Variants in SH2B2 observed in about 807,000 individuals in gnomAD.
SH2B2 encodes SH2B adaptor protein 2, also known as SH2B adapter protein 2.
SH2B2 carries 37 observed loss-of-function variants against 35.7 expected under a neutral mutation model. That is an observed-to-expected ratio of 1.04 (90% CI 0.80 to 1.36). The LOEUF is 1.36. Ranked by LOEUF, SH2B2 falls within the 40% of genes most tolerant of loss-of-function variation. SH2B2 has a pLI of 0.00. For missense variants in SH2B2, 852 were observed against 817.7 expected (o/e 1.04, Z -0.51); for synonymous variants, 383 against 376.4 (o/e 1.02, Z -0.20).
upstream of SH2B2, chr7:102,286,862 A>C (rs1218760551): frequency 0.048 from 9 of 188 alleles, no homozygotes; most frequent in South Asian, 0.21. Context: ...TCGCGGGCGG[A>C]GGGGCGCGCC....
At chr7:102,290,072 T>C (rs1003962980) in intron 1 of SH2B2, among the ~76,000 whole-genome samples, 2 of 151,710 alleles carry the variant, frequency 1.3e-5, no homozygotes, top group Non-Finnish European at 2.9e-5. Flanking sequence ...AGCCCAGCTG[T>C]GGATTCCCCC....
chr7:102,289,211 A>T (rs1484380657), intron 1 of SH2B2, among the ~76,000 whole-genome samples: 4 of 152,128 alleles, frequency 2.6e-5, no homozygotes, highest in African/African-American at 9.7e-5. Flanking sequence ...TTTGGGCCCC[A>T]TTCTCCACAT....
intron 3 of SH2B2, among the ~76,000 whole-genome samples, chr7:102,307,504 G>A (rs1023230802): frequency 2.0e-5 from 3 of 152,234 alleles, no homozygotes; most frequent in Non-Finnish European, 2.9e-5. Context: ...GTTTCTGCCC[G>A]TTCTCATTTG....
At chr7:102,313,680 C>T (rs1396005688) in intron 4 of SH2B2, among the ~76,000 whole-genome samples, 1 of 151,994 alleles carries the variant, frequency 6.6e-6, no homozygotes, top group East Asian at 1.9e-4. Flanking sequence ...TTTTGGAGGA[C>T]GAGGCAGGCA....
At chr7:102,307,414 G>A (rs1310464310) in intron 3 of SH2B2, among the ~76,000 whole-genome samples, 1 of 152,208 alleles carries the variant, frequency 6.6e-6, no homozygotes, top group Non-Finnish European at 1.5e-5. Flanking sequence ...GTGAAGCAAT[G>A]TCCCCGGGGA....
chr7:102,310,080 C>T (rs183138581), intron 4 of SH2B2, among the ~76,000 whole-genome samples: 81 of 152,290 alleles, frequency 5.3e-4, no homozygotes, highest in African/African-American at 1.9e-3. Flanking sequence ...CTTTGGGAGG[C>T]CGAGGCAGGC....
rs146126709 is a variant in SH2B2, at chr7:102,308,200, C to T, written c.832-615C>T. ...TGTGACTTTGACCAAGTTCCTTGGC[C>T]TCCCTGAACCTTGGTCTTCTCATCT... On this transcript the variant is annotated intron_variant, in intron 3 of 8. Coordinates refer to ENST00000444095, the MANE Select transcript of SH2B2 (RefSeq NM_001359228.2). Among the ~76,000 whole-genome samples the T allele has an allele frequency of 1.1e-3, 162 of 152,344 alleles. 1 individual carries two copies. The highest frequency in any genetic ancestry group is 3.4e-3 in the Middle Eastern group (1 of 294).
chr7:102,317,282 G>A lies in SH2B2; in HGVS notation c.1282G>A (p.Ala428Thr), dbSNP rs782143454. Reference protein sequence around the residue: ...FHGTLSRVKAAQLVLAGGPRN... With the variant: ...FHGTLSRVKATQLVLAGGPRN... ...CGGGACACTGTCCCGGGTCAAGGCT[G>A]CTCAACTGGTTCTGGCAGGGGGGCC... Residue 428 changes from alanine (A) to threonine (T), a missense_variant, in exon 7 of 9, where the codon GCT becomes ACT. Around this residue, in one of 3 missense-constraint regions of SH2B2, gnomAD observed 556 missense variants for 514.5 expected, o/e 1.08. Coordinates refer to ENST00000444095, the MANE Select transcript of SH2B2 (RefSeq NM_001359228.2). The A allele has an allele frequency of 4.3e-6, 7 of 1,613,776 alleles. No individual in the cohort carries two copies. The highest frequency in any genetic ancestry group is 5.9e-6 in the Non-Finnish European group (7 of 1,179,744).
intron 1 of SH2B2, among the ~76,000 whole-genome samples, chr7:102,290,594 C>T (rs1792639026): frequency 6.6e-6 from 1 of 152,152 alleles, no homozygotes; most frequent in Non-Finnish European, 1.5e-5. Context: ...CAGCCCTGGA[C>T]CCTCCCACCT....
At chr7:102,302,640 G>A (rs1554554150) in intron 2 of SH2B2, among the ~76,000 whole-genome samples, 2 of 152,242 alleles carry the variant, frequency 1.3e-5, no homozygotes, top group South Asian at 2.1e-4. Context: ...GTCATCCTCT[G>A]GGTACCCCAC....
intron 2 of SH2B2, among the ~76,000 whole-genome samples, chr7:102,302,586 G>A (rs1236851262): frequency 1.3e-5 from 2 of 152,256 alleles, no homozygotes; most frequent in African/African-American, 4.8e-5. Context: ...AGAGCCCACA[G>A]TGTGTCCAGA....
chr7:102,306,090 GT>G (rs1326897460), intron 2 of SH2B2, among the ~76,000 whole-genome samples: 1 of 148,806 alleles, frequency 6.7e-6, no homozygotes, highest in South Asian at 2.1e-4. Context: ...TTTTTGTTTC[GT>G]TTTTTTTTCT....
intron 4 of SH2B2, among the ~76,000 whole-genome samples, chr7:102,313,282 C>CA (rs1362073584): frequency 1.9e-3 from 222 of 114,762 alleles, no homozygotes; most frequent in Middle Eastern, 4.5e-3. Context: ...GCAAAAAATA[C>CA]AAAAAAAAAA....
At chr7:102,296,116 C>T (rs782056420) in intron 1 of SH2B2, among the ~76,000 whole-genome samples, 12 of 152,192 alleles carry the variant, frequency 7.9e-5, no homozygotes, top group Non-Finnish European at 1.8e-4. Context: ...CAGGCTCAGC[C>T]GGGAGCCCTG....
chr7:102,299,546 G>C (rs782431292), intron 1 of SH2B2, among the ~76,000 whole-genome samples: 4 of 152,114 alleles, frequency 2.6e-5, no homozygotes, highest in Non-Finnish European at 4.4e-5. Context: ...ACAGACTTTA[G>C]AGGAAGTAAG....
intron 4 of SH2B2, among the ~76,000 whole-genome samples, chr7:102,311,919 A>G (rs1288313343): frequency 6.6e-6 from 1 of 151,552 alleles, no homozygotes; most frequent in East Asian, 2.0e-4. Context: ...TCTACTAAAA[A>G]TGCAAAAATT....
chr7:102,287,275 G>A lies in SH2B2; in HGVS notation c.-30+181G>A, dbSNP rs530403635. Reference sequence around the variant, plus strand: ...GAGGGAGGAGGGCGCGCGAGGGAGGGGAGGCGCCCCCGGCTGGGATCTGCT... The same window carrying A: ...GAGGGAGGAGGGCGCGCGAGGGAGGAGAGGCGCCCCCGGCTGGGATCTGCT... On this transcript the variant is annotated intron_variant, in intron 1 of 8. Coordinates refer to ENST00000444095, the MANE Select transcript of SH2B2 (RefSeq NM_001359228.2). Among the ~76,000 whole-genome samples the A allele has an allele frequency of 2.4e-4, 36 of 152,176 alleles. 1 individual carries two copies. The highest frequency in any genetic ancestry group is 4.0e-4 in the Non-Finnish European group (27 of 67,956).
chr7:102,308,829 C>T lies in SH2B2; in HGVS notation c.846C>T (p.Ala282=), dbSNP rs782145700. ...NTFVLKVENG[A]EYILETIDSL... ...TTCCTCCCCAGGTAGAGAATGGAGC[C>T]GAATACATCTTGGAGACCATCGACT... is the stretch of plus-strand genomic sequence containing the variant. Residue 282 remains alanine (A), a synonymous_variant, in exon 4 of 9, where the codon GCC becomes GCT. Coordinates refer to ENST00000444095, the MANE Select transcript of SH2B2 (RefSeq NM_001359228.2). 105 of 1,613,466 alleles carry T rather than the reference C, an allele frequency of 6.5e-5. No homozygotes were observed. The highest frequency in any genetic ancestry group is 7.8e-5 in the Non-Finnish European group (92 of 1,179,806).
intron 2 of SH2B2, among the ~76,000 whole-genome samples, chr7:102,302,027 GTTT>G (rs1793215080): frequency 1.3e-5 from 2 of 152,180 alleles, no homozygotes; most frequent in Non-Finnish European, 2.9e-5. Flanking sequence ...CCCAGCTAAT[GTTT>G]TTTATTTTTC....
Sources: gnomAD v4.1 joint callset for allele counts (sites outside exome capture counted in the v4.1 genomes callset) on GRCh38, gnomAD v4.1.1 for gene constraint, gnomAD v4.1.1 regional missense constraint, MANE v1.5 for transcripts, NCBI Gene and HGNC (gene_info 2026-07-23, HGNC 2026-07-21) for gene names.